The following PDE4D variants were observed in gnomAD, a reference collection of about 807,000 sequenced individuals.
PDE4D encodes the protein 3',5'-cyclic-AMP phosphodiesterase 4D.
Under a neutral mutation model 87.4 loss-of-function variants are expected in PDE4D, and 24 were observed. That is an observed-to-expected ratio of 0.27 (90% CI 0.20 to 0.39). PDE4D has a LOEUF of 0.39. Ranked by LOEUF, PDE4D falls within the 10% of genes least tolerant of loss-of-function variation. PDE4D has a pLI of 1.00. For missense variants in PDE4D, 714 were observed against 1,041.0 expected, an observed-to-expected ratio of 0.69 and a Z score of 4.32; for synonymous variants, 384 against 383.2, an observed-to-expected ratio of 1.00 and a Z score of -0.02.
At chr5:59,104,823 T>C (rs2153435362) in intron 5 of PDE4D, among the ~76,000 whole-genome samples, 1 of 152,212 alleles carries the variant, frequency 6.6e-6, no homozygotes, top group East Asian at 1.9e-4. Flanking sequence ...ATGATGTGAA[T>C]GCACTTACTA....
chr5:59,331,175 A>G (rs1219858953), intron 1 of PDE4D, among the ~76,000 whole-genome samples: 1 of 152,194 alleles, frequency 6.6e-6, no homozygotes, highest in Non-Finnish European at 1.5e-5. Context: ...AATACAAATA[A>G]TACTTGCTCA....
chr5:59,763,186 A>C (rs541843614), intron 1 of PDE4D, among the ~76,000 whole-genome samples: 1 of 151,896 alleles, frequency 6.6e-6, no homozygotes, highest in South Asian at 2.1e-4. Context: ...GGGTCAGGGG[A>C]GCGGGTAGGG....
intron 1 of PDE4D, among the ~76,000 whole-genome samples, chr5:60,265,143 A>C (rs919786185): frequency 2.6e-5 from 4 of 152,210 alleles, no homozygotes; most frequent in Non-Finnish European, 4.4e-5. Context: ...ATGGCCAACC[A>C]CATGACACTC....
At chr5:60,052,527 T>A (rs1360383985) in intron 2 of PDE4D, among the ~76,000 whole-genome samples, 1 of 152,136 alleles carries the variant, frequency 6.6e-6, no homozygotes, top group African/African-American at 2.4e-5. Context: ...TAGGTATTGA[T>A]GAAACATATC....
intron 1 of PDE4D, among the ~76,000 whole-genome samples, chr5:60,284,063 T>C (rs1027869245): frequency 7.9e-5 from 12 of 152,160 alleles, no homozygotes; most frequent in Non-Finnish European, 1.8e-4. Context: ...CTAATTGATA[T>C]GGTAAAACTG....
rs117155372 is a variant in PDE4D, at chr5:59,777,286, G to A, written c.455+115882C>T. The stretch of plus-strand genomic sequence containing the variant: ...AATTTCACCCTCCTCTGCAATTGGT[G>A]TATCTCCAAATGTAAAAGACATAAC... On this transcript the variant is annotated intron_variant, in intron 1 of 14. Transcript: ENST00000340635. Among the ~76,000 whole-genome samples the A allele has an allele frequency of 1.7e-4, 26 of 152,252 alleles. No homozygotes were observed. The East Asian group carries it at 4.8e-3, about 28-fold the overall frequency.
At chr5:60,194,756 G>T (rs1741006464) in intron 1 of PDE4D, among the ~76,000 whole-genome samples, 1 of 151,590 alleles carries the variant, frequency 6.6e-6, no homozygotes, top group Non-Finnish European at 1.5e-5. Context: ...ACTAAGAGGG[G>T]TCTACCACTA....
At chr5:59,471,719 T>A (rs1351281453) in intron 1 of PDE4D, among the ~76,000 whole-genome samples, 1 of 152,176 alleles carries the variant, frequency 6.6e-6, no homozygotes, top group Non-Finnish European at 1.5e-5. Flanking sequence ...TAAAAAGGCC[T>A]GAAGAATATA....
At chr5:59,834,140 T>C (rs997669472) in intron 1 of PDE4D, among the ~76,000 whole-genome samples, 1 of 152,042 alleles carries the variant, frequency 6.6e-6, no homozygotes, top group Non-Finnish European at 1.5e-5. Flanking sequence ...CTTCTCTCTG[T>C]CTAAGCAAAT....
intron 2 of PDE4D, among the ~76,000 whole-genome samples, chr5:60,166,694 C>G (rs1257615892): frequency 1.3e-5 from 2 of 152,064 alleles, no homozygotes; most frequent in Non-Finnish European, 2.9e-5. Context: ...TATTAGCATT[C>G]TTTTATTCCA....
intron 1 of PDE4D, among the ~76,000 whole-genome samples, chr5:60,495,525 G>A (rs1379570145): frequency 2.6e-5 from 4 of 152,210 alleles, no homozygotes; most frequent in Non-Finnish European, 5.9e-5. Context: ...GAATCATTGA[G>A]ATAGTGCATG....
chr5:59,999,144 G>T (rs148622703), intron 2 of PDE4D, among the ~76,000 whole-genome samples: 7 of 152,110 alleles, frequency 4.6e-5, no homozygotes, highest in Non-Finnish European at 5.9e-5. Context: ...GGCATTTCAC[G>T]TCAACCATGA....
chr5:59,963,164 T>C (rs1234208245), intron 3 of PDE4D, among the ~76,000 whole-genome samples: 1 of 152,210 alleles, frequency 6.6e-6, no homozygotes, highest in Non-Finnish European at 1.5e-5. Flanking sequence ...TCTACCTTGC[T>C]TTTGTTGATA....
intron 1 of PDE4D, among the ~76,000 whole-genome samples, chr5:59,508,710 A>G (rs1382294969): frequency 2.0e-5 from 3 of 152,072 alleles, no homozygotes; most frequent in Non-Finnish European, 1.5e-5. Context: ...TTAGTAAATG[A>G]GCAAAAGACA....
chr5:59,093,556 C>A (rs1769127340), intron 5 of PDE4D, among the ~76,000 whole-genome samples: 1 of 152,176 alleles, frequency 6.6e-6, no homozygotes, highest in South Asian at 2.1e-4. Context: ...CTAATCATGA[C>A]CTTGGGGAAA....
intron 3 of PDE4D, among the ~76,000 whole-genome samples, chr5:59,186,827 T>C (rs1352300502): frequency 6.6e-6 from 1 of 152,150 alleles, no homozygotes; most frequent in Non-Finnish European, 1.5e-5. Context: ...CTGCCTATGA[T>C]GGAGTATTCA....
chr5:59,068,203 C>A (rs576235005), intron 5 of PDE4D, among the ~76,000 whole-genome samples: 3 of 152,184 alleles, frequency 2.0e-5, no homozygotes, highest in East Asian at 1.9e-4. Flanking sequence ...CTAAGCCATA[C>A]CACAAGCATT....
chr5:59,172,203 ATG>A (rs1278995369), intron 5 of PDE4D, among the ~76,000 whole-genome samples: 4 of 111,906 alleles, frequency 3.6e-5, no homozygotes, highest in Admixed American at 1.2e-4. Flanking sequence ...TATAATAAAT[ATG>A]TATATAATAT....
At position 60,221,022 on chromosome 5, in the gene PDE4D, GAAAC is replaced by G. The variant is rs1744434902; in HGVS notation, c.-89-35339_-89-35336del. 2.6e-5 allele frequency among the ~76,000 whole-genome samples: 4 copies of G among 152,102 alleles called. 1 individual carries two copies. The highest frequency in any genetic ancestry group is 6.8e-3 in the Middle Eastern group (2 of 294). Reference sequence around the variant, plus strand: ...CTCCACTGCATTATTTAAATAATGAGAAACAACCTAAAGGTCTATCAGTAACAGA... The same window carrying G: ...CTCCACTGCATTATTTAAATAATGAGAACCTAAAGGTCTATCAGTAACAGA... On this transcript the variant is annotated intron_variant, in intron 1 of 16. Coordinates refer to the PDE4D transcript ENST00000502484.
Sources: gnomAD v4.1 joint callset for allele counts (sites outside exome capture counted in the v4.1 genomes callset) on GRCh38, gnomAD v4.1.1 for gene constraint, MANE v1.5 for transcripts, NCBI Gene and HGNC (gene_info 2026-07-23, HGNC 2026-07-21) for gene names.